The following NELL1 variants were observed in gnomAD, a reference collection of about 807,000 sequenced individuals.
NELL1 encodes protein kinase C-binding protein NELL1.
Under a neutral mutation model 107.4 loss-of-function variants are expected in NELL1, and 76 were observed. That is an observed-to-expected ratio of 0.71 (90% CI 0.59 to 0.86). The LOEUF (loss-of-function observed/expected upper bound fraction) is 0.86, where lower values mean the gene tolerates loss of function less well. NELL1 is among the 40% of genes least tolerant of loss of function. The probability of loss-of-function intolerance (pLI) is 0.00; values close to 1 mark genes in which losing one functional copy is unlikely to be tolerated. For synonymous variants in NELL1, 353 were observed against 341.2 expected (o/e 1.03, Z -0.38); for missense variants, 1,024 against 1,005.5 (o/e 1.02, Z -0.25).
chr11:21,117,791 AAG>A (rs1464024301), intron 13 of NELL1, among the ~76,000 whole-genome samples: 2 of 151,978 alleles, frequency 1.3e-5, no homozygotes, highest in African/African-American at 4.8e-5. Flanking sequence ...AGACAGGGAA[AAG>A]AGATCCTGGA....
Position 21,341,199 on chromosome 11 carries a change from G to A in NELL1, c.1550-29654G>A, listed in dbSNP as rs191473260. Among the ~76,000 whole-genome samples the A allele has an allele frequency of 9.7e-4, 148 of 152,150 alleles. 3 individuals are homozygous for A. In the East Asian group the frequency reaches 0.017, roughly 17 times the overall value. On this transcript the variant is annotated intron_variant, in intron 14 of 19. Coordinates refer to ENST00000357134, the MANE Select transcript of NELL1 (RefSeq NM_006157.5). ...GTGTTCAGCAAGACTAATCTAATTCGTAAGACCACTAGAAATCAGCAAAGG... is the reference window on the plus strand; with the variant it reads ...GTGTTCAGCAAGACTAATCTAATTCATAAGACCACTAGAAATCAGCAAAGG...
rs149881689 is a variant in NELL1, at chr11:20,964,671, C to T, written c.1300+4111C>T. On this transcript the variant is annotated intron_variant, in intron 12 of 19. Coordinates refer to ENST00000357134, the MANE Select transcript of NELL1 (RefSeq NM_006157.5). ...TCTTCTTCCACTACCCACACTGTTCCAATACTGTGCTAGTGTTCAAAATGT... is the reference window on the plus strand; with the variant it reads ...TCTTCTTCCACTACCCACACTGTTCTAATACTGTGCTAGTGTTCAAAATGT... Among the ~76,000 whole-genome samples the T allele has an allele frequency of 5.5e-3, 845 of 152,286 alleles. 7 individuals carry two copies. The highest frequency in any genetic ancestry group is 0.019 in the African/African-American group (805 of 41,564).
At chr11:20,988,490 T>C (rs528132337) in intron 12 of NELL1, among the ~76,000 whole-genome samples, 2 of 150,522 alleles carry the variant, frequency 1.3e-5, no homozygotes, top group Non-Finnish European at 2.9e-5. Context: ...TATATACACA[T>C]GTACATATAT....
At chr11:21,082,720 C>T (rs1854298349) in intron 12 of NELL1, among the ~76,000 whole-genome samples, 1 of 152,006 alleles carries the variant, frequency 6.6e-6, no homozygotes, top group Non-Finnish European at 1.5e-5. Context: ...TTCCCCTCCC[C>T]CCAAAAAAAC....
rs143813715 is a variant in NELL1 at position 20,749,565 on chromosome 11, C to T, written c.185-34115C>T. Reference sequence around the variant, plus strand: ...GCAGTAAGCTGTGTTCATGCCACCACGCTTCAGCTTGGGTGACAGAGAAAG... The same window carrying T: ...GCAGTAAGCTGTGTTCATGCCACCATGCTTCAGCTTGGGTGACAGAGAAAG... On this transcript the variant is annotated intron_variant, in intron 2 of 19. Transcript: ENST00000357134. Among the ~76,000 whole-genome samples, 1,042 of 152,122 alleles carry T rather than the reference C, an allele frequency of 6.8e-3. 6 individuals carry two copies. Among genetic ancestry groups the T allele is most frequent in the African/African-American group, 0.023 (973 of 41,486 alleles).
At chr11:21,358,697 G>A (rs867539145) in intron 14 of NELL1, among the ~76,000 whole-genome samples, 21 of 150,216 alleles carry the variant, frequency 1.4e-4, no homozygotes, top group Admixed American at 2.7e-4. Context: ...GATTACAGGC[G>A]TGACCCACCG....
At chr11:20,897,864 T>C (rs1300065776) in intron 5 of NELL1, among the ~76,000 whole-genome samples, 1 of 152,002 alleles carries the variant, frequency 6.6e-6, no homozygotes, top group East Asian at 1.9e-4. Flanking sequence ...AAAACCACAA[T>C]GAGATACCAT....
intron 2 of NELL1, among the ~76,000 whole-genome samples, chr11:20,709,708 A>T (rs1855063610): frequency 6.6e-6 from 1 of 152,088 alleles, no homozygotes; most frequent in Non-Finnish European, 1.5e-5. Flanking sequence ...TGTCATCAAT[A>T]ATTTCTTTCA....
intron 14 of NELL1, among the ~76,000 whole-genome samples, chr11:21,269,383 C>T (rs1231751855): frequency 1.3e-5 from 2 of 151,888 alleles, no homozygotes; most frequent in African/African-American, 4.8e-5. Context: ...CTCTCACACA[C>T]ACACACACAG....
At chr11:20,979,917 T>G (rs1048784810) in intron 12 of NELL1, among the ~76,000 whole-genome samples, 1 of 152,164 alleles carries the variant, frequency 6.6e-6, no homozygotes, top group Admixed American at 6.5e-5. Context: ...CTTTTTTCCT[T>G]GAAGTGACAT....
At chr11:21,286,264 C>T (rs968098897) in intron 14 of NELL1, among the ~76,000 whole-genome samples, 2 of 152,174 alleles carry the variant, frequency 1.3e-5, no homozygotes, top group Admixed American at 1.3e-4. Context: ...CTACCTGAAA[C>T]CCTATCTAGA....
At chr11:21,537,991 C>A (rs74719006) in intron 16 of NELL1, among the ~76,000 whole-genome samples, 1 of 152,088 alleles carries the variant, frequency 6.6e-6, no homozygotes, top group Non-Finnish European at 1.5e-5. Flanking sequence ...AATGACCTGA[C>A]GTACTCTGGA....
intron 15 of NELL1, among the ~76,000 whole-genome samples, chr11:21,433,115 A>T (rs1469580029): frequency 6.6e-6 from 1 of 152,146 alleles, no homozygotes; most frequent in African/African-American, 2.4e-5. Flanking sequence ...ATGTGATGCT[A>T]ATCTTTCCAT....
chr11:21,254,512 A>G (rs1185116135), intron 14 of NELL1, among the ~76,000 whole-genome samples: 3 of 152,078 alleles, frequency 2.0e-5, no homozygotes, highest in Admixed American at 6.6e-5. Flanking sequence ...AGAAAAGGGG[A>G]TGGGTCAGAA....
chr11:21,278,392 A>T (rs999600523), intron 14 of NELL1, among the ~76,000 whole-genome samples: 2 of 152,190 alleles, frequency 1.3e-5, no homozygotes, highest in East Asian at 1.9e-4. Flanking sequence ...GAAATTTTTT[A>T]AAAAATCAAT....
intron 13 of NELL1, among the ~76,000 whole-genome samples, chr11:21,120,360 T>C (rs1855337277): frequency 6.6e-6 from 1 of 152,156 alleles, no homozygotes. Context: ...ATTATATTGA[T>C]GAAATAGAGA....
intron 12 of NELL1, among the ~76,000 whole-genome samples, chr11:21,026,704 G>A (rs1472067167): frequency 6.6e-6 from 1 of 152,120 alleles, no homozygotes; most frequent in African/African-American, 2.4e-5. Context: ...TTTGTGTAAG[G>A]CATTGTGTTG....
At chr11:21,360,881 G>A (rs1011868580) in intron 14 of NELL1, among the ~76,000 whole-genome samples, 1 of 152,150 alleles carries the variant, frequency 6.6e-6, no homozygotes, top group African/African-American at 2.4e-5. Flanking sequence ...GAAGACAGCA[G>A]ATACTTGTTT....
intron 13 of NELL1, among the ~76,000 whole-genome samples, chr11:21,172,289 C>T (rs781268604): frequency 6.6e-5 from 10 of 151,824 alleles, no homozygotes; most frequent in South Asian, 4.1e-4. Flanking sequence ...GGAATTGCTA[C>T]GTTTTAGCTC....
Sources: allele counts gnomAD v4.1 joint callset (sites outside exome capture counted in the v4.1 genomes callset), GRCh38; gene constraint gnomAD v4.1.1; transcripts MANE v1.5; gene names NCBI Gene and HGNC (gene_info 2026-07-23, HGNC 2026-07-21).